Variants in ADAMTS12 observed in about 807,000 individuals in gnomAD.
The protein encoded by ADAMTS12 is ADAM metallopeptidase with thrombospondin type 1 motif 12, also known as A disintegrin and metalloproteinase with thrombospondin motifs 12.
In ADAMTS12, 118 loss-of-function variants were observed where a neutral mutation model predicts 167.8. The ratio of observed to expected loss-of-function variants is 0.70; its 90% CI spans 0.61 to 0.82. The LOEUF (loss-of-function observed/expected upper bound fraction) is 0.82. ADAMTS12 is among the 40% of genes least tolerant of loss of function. The pLI, the probability that ADAMTS12 is intolerant of heterozygous loss-of-function variation, is 0.00. For missense variants in ADAMTS12, 1,916 were observed against 1,998.8 expected (o/e 0.96, Z 0.79); for synonymous variants, 704 against 716.9 (o/e 0.98, Z 0.29).
intron 3 of ADAMTS12, among the ~76,000 whole-genome samples, chr5:33,728,578 T>C (rs1387853026): frequency 6.6e-6 from 1 of 152,192 alleles, no homozygotes; most frequent in Non-Finnish European, 1.5e-5. Context: ...CCAAGGCCAT[T>C]TGCCCTTTAA....
chr5:33,748,882 C>T (rs1427358986), intron 3 of ADAMTS12, among the ~76,000 whole-genome samples: 1 of 152,134 alleles, frequency 6.6e-6, no homozygotes, highest in East Asian at 1.9e-4. Flanking sequence ...CATTTCATTA[C>T]ACCAAGATTT....
At chr5:33,684,828 C>G (rs1742266533) in intron 3 of ADAMTS12, among the ~76,000 whole-genome samples, 2 of 152,176 alleles carry the variant, frequency 1.3e-5, no homozygotes, top group Non-Finnish European at 2.9e-5. Context: ...GAAAGTCAGA[C>G]AGTAGCTGCA....
At chr5:33,672,138 TAC>T (rs1350745362) in intron 5 of ADAMTS12, among the ~76,000 whole-genome samples, 3 of 128,208 alleles carry the variant, frequency 2.3e-5, no homozygotes, top group Non-Finnish European at 4.9e-5. Flanking sequence ...CCCACATACA[TAC>T]ACACACACAT....
intron 2 of ADAMTS12, among the ~76,000 whole-genome samples, chr5:33,782,271 G>T (rs568835476): frequency 2.6e-5 from 4 of 151,462 alleles, no homozygotes; most frequent in Admixed American, 1.3e-4. Flanking sequence ...ATATACTACC[G>T]AACAACCAAA....
At chr5:33,733,293 T>C (rs1377194492) in intron 3 of ADAMTS12, among the ~76,000 whole-genome samples, 1 of 152,190 alleles carries the variant, frequency 6.6e-6, no homozygotes, top group Non-Finnish European at 1.5e-5. Flanking sequence ...GAAACTTTCT[T>C]CAAGAAAACC....
At chr5:33,710,578 C>A (rs1357606150) in intron 3 of ADAMTS12, among the ~76,000 whole-genome samples, 1 of 152,190 alleles carries the variant, frequency 6.6e-6, no homozygotes, top group Non-Finnish European at 1.5e-5. Flanking sequence ...AATGACATGG[C>A]TCCTGGCCTC....
At chr5:33,867,102 C>T (rs926731788) in intron 2 of ADAMTS12, among the ~76,000 whole-genome samples, 1 of 152,074 alleles carries the variant, frequency 6.6e-6, no homozygotes, top group African/African-American at 2.4e-5. Context: ...AGAAATCCCA[C>T]TACTGTGTAT....
chr5:33,838,540 G>A (rs574036997), intron 2 of ADAMTS12, among the ~76,000 whole-genome samples: 5 of 152,188 alleles, frequency 3.3e-5, no homozygotes, highest in South Asian at 2.1e-4. Context: ...AAAATTAGCC[G>A]GGTGTGATGG....
At chr5:33,565,835 T>C (rs1190198638) in intron 19 of ADAMTS12, among the ~76,000 whole-genome samples, 2 of 152,256 alleles carry the variant, frequency 1.3e-5, no homozygotes, top group South Asian at 2.1e-4. Flanking sequence ...GTAATCATAG[T>C]TGATGCGTAC....
intron 3 of ADAMTS12, among the ~76,000 whole-genome samples, chr5:33,684,723 T>G (rs1742261627): frequency 6.6e-6 from 1 of 152,116 alleles, no homozygotes; most frequent in African/African-American, 2.4e-5. Context: ...AGCAAAACTA[T>G]CAAGGTGACT....
At chr5:33,531,131 G>A (rs1337371398) in intron 23 of ADAMTS12, among the ~76,000 whole-genome samples, 1 of 152,224 alleles carries the variant, frequency 6.6e-6, no homozygotes, top group Non-Finnish European at 1.5e-5. Flanking sequence ...AATGGAGGCA[G>A]AGACTGGAAT....
intron 7 of ADAMTS12, among the ~76,000 whole-genome samples, chr5:33,650,512 G>A (rs1457207883): frequency 6.6e-6 from 1 of 152,144 alleles, no homozygotes; most frequent in African/African-American, 2.4e-5. Context: ...TAGACTTTGA[G>A]ATTTGTCAAC....
rs561908924 is a variant in ADAMTS12 at position 33,526,024 on chromosome 5, A to T, written c.*1164T>A. 6.6e-6 allele frequency: 1 copy of T among 152,338 alleles called. No homozygotes were observed. Among genetic ancestry groups the T allele is most frequent in the South Asian group, 2.1e-4 (1 of 4,828 alleles). 9.4% of individuals were successfully genotyped at this position (152,338 alleles called of 1,614,324 possible). Reference sequence around the variant, plus strand: ...TCACCTGTTCTCCCCAAAGTAAAAGATCTTTAAGACTAACTACATATTGGG... The same window carrying T: ...TCACCTGTTCTCCCCAAAGTAAAAGTTCTTTAAGACTAACTACATATTGGG... On this transcript the variant is annotated 3_prime_UTR_variant, in exon 24 of 24. Transcript: ENST00000504830.
chr5:33,759,977 A>C (rs1273434432), intron 2 of ADAMTS12, among the ~76,000 whole-genome samples: 1 of 152,202 alleles, frequency 6.6e-6, no homozygotes, highest in Non-Finnish European at 1.5e-5. Flanking sequence ...AATGTGCAAA[A>C]GAATCATATG....
intron 1 of ADAMTS12, among the ~76,000 whole-genome samples, chr5:33,886,425 A>G (rs1360969160): frequency 6.6e-6 from 1 of 152,240 alleles, no homozygotes; most frequent in Non-Finnish European, 1.5e-5. Flanking sequence ...AACCGAATGT[A>G]GGAAGTCACT....
chr5:33,616,112 C>G, intron 14 of ADAMTS12, 40 bp from the exon 15 acceptor site: 1 of 1,605,618 alleles, frequency 6.2e-7, no homozygotes, highest in Non-Finnish European at 8.5e-7. Flanking sequence ...GGCACGCCAG[C>G]TTCTCAGCTG....
At position 33,639,209 on chromosome 5, in the gene ADAMTS12, AT is replaced by A. The variant is rs1046732273; in HGVS notation, c.1719-1464del. ...GAATGAGAGATCAATAACTGAGAGC[AT>A]TTTTTTTGGTTATCGTGAATAATAA... On this transcript the variant is annotated intron_variant, in intron 11 of 23. Coordinates refer to ENST00000504830, the MANE Select transcript of ADAMTS12 (RefSeq NM_030955.4). 5.3e-5 allele frequency among the ~76,000 whole-genome samples: 8 copies of A among 152,000 alleles called. No individual in the cohort carries two copies. The South Asian group carries it at 6.2e-4, about 12-fold the overall frequency.
chr5:33,615,004 C>G (rs964875465), intron 15 of ADAMTS12, among the ~76,000 whole-genome samples: 1 of 152,216 alleles, frequency 6.6e-6, no homozygotes, highest in African/African-American at 2.4e-5. Flanking sequence ...TGGTCATGGA[C>G]TTTAACTTAG....
chr5:33,539,142 C>T (rs1358157224), intron 22 of ADAMTS12, among the ~76,000 whole-genome samples: 1 of 152,058 alleles, frequency 6.6e-6, no homozygotes, highest in Non-Finnish European at 1.5e-5. Context: ...AGATTTCACC[C>T]TGTTGGCCAG....
Sources: allele counts gnomAD v4.1 joint callset (sites outside exome capture counted in the v4.1 genomes callset), GRCh38; gene constraint gnomAD v4.1.1; transcripts MANE v1.5; gene names NCBI Gene and HGNC (gene_info 2026-07-23, HGNC 2026-07-21).